Variants in TMEM163 observed in about 807,000 individuals in gnomAD.
TMEM163 encodes transmembrane protein 163.
In TMEM163, 17 loss-of-function variants were observed where a neutral mutation model predicts 29.3. The ratio of observed to expected loss-of-function variants is 0.58; its 90% CI spans 0.40 to 0.87. TMEM163 has a LOEUF of 0.87. TMEM163 is among the 40% of genes least tolerant of loss of function. The pLI, the probability that TMEM163 is intolerant of heterozygous loss-of-function variation, is 0.00. For synonymous variants in TMEM163, 157 were observed against 160.6 expected (o/e 0.98, Z 0.17); for missense variants, 303 against 381.5 (o/e 0.79, Z 1.71).
intron 4 of TMEM163, among the ~76,000 whole-genome samples, chr2:134,548,726 T>G (rs185963938): frequency 6.6e-6 from 1 of 152,224 alleles, no homozygotes; most frequent in African/African-American, 2.4e-5. Flanking sequence ...TGAGATATAT[T>G]GGGGATGGAA....
chr2:134,708,630 A>G (rs1684867360), intron 2 of TMEM163, among the ~76,000 whole-genome samples: 1 of 151,626 alleles, frequency 6.6e-6, no homozygotes, highest in Admixed American at 6.6e-5. Flanking sequence ...TCTGTCACCC[A>G]GGCTGGAGTG....
chr2:134,521,800 A>G (rs565181888), intron 4 of TMEM163, among the ~76,000 whole-genome samples: 1 of 152,310 alleles, frequency 6.6e-6, no homozygotes, highest in Admixed American at 6.5e-5. Context: ...GACATATCAG[A>G]TGCAGAGCTG....
chr2:134,608,685 AC>A (rs1682418828), intron 2 of TMEM163, among the ~76,000 whole-genome samples: 1 of 89,332 alleles, frequency 1.1e-5, no homozygotes, highest in Non-Finnish European at 2.4e-5. Flanking sequence ...AGGATGACAG[AC>A]CCCGAGAACT....
chr2:134,470,715 C>G (rs753460043), intron 5 of TMEM163, among the ~76,000 whole-genome samples: 2 of 152,214 alleles, frequency 1.3e-5, no homozygotes, highest in African/African-American at 2.4e-5. Flanking sequence ...GCCAAAGCTC[C>G]TCTCCCAAAA....
At chr2:134,704,167 G>C (rs1023423031) in intron 2 of TMEM163, among the ~76,000 whole-genome samples, 1 of 152,064 alleles carries the variant, frequency 6.6e-6, no homozygotes, top group African/African-American at 2.4e-5. Flanking sequence ...GGTGCTCCAG[G>C]GGTATTTCCA....
intron 2 of TMEM163, among the ~76,000 whole-genome samples, chr2:134,664,105 G>T (rs941852036): frequency 6.6e-6 from 1 of 152,156 alleles, no homozygotes; most frequent in Non-Finnish European, 1.5e-5. Flanking sequence ...TAAATTCCAG[G>T]TCTAAATGTC....
At chr2:134,615,180 A>C (rs973876584) in intron 2 of TMEM163, among the ~76,000 whole-genome samples, 4 of 152,210 alleles carry the variant, frequency 2.6e-5, no homozygotes, top group Admixed American at 1.3e-4. Context: ...ACTTGTTATA[A>C]CATGTCTAAA....
chr2:134,647,681 G>A lies in TMEM163; in HGVS notation c.322+65519C>T, dbSNP rs898274649. Among the ~76,000 whole-genome samples, 15 of 152,300 alleles carry A rather than the reference G, an allele frequency of 9.8e-5. No individual in the cohort carries two copies. The East Asian group carries it at 1.2e-3, about 12-fold the overall frequency. ...GTTTTGAGCATTTGGAAAACCTACC[G>A]AAGCAGGAAACTTTCCCTGACTCCT... On this transcript the variant is annotated intron_variant, in intron 2 of 7. Transcript: ENST00000281924.
intron 4 of TMEM163, among the ~76,000 whole-genome samples, chr2:134,523,842 C>T (rs1680237281): frequency 2.0e-5 from 3 of 152,214 alleles, no homozygotes; most frequent in Non-Finnish European, 4.4e-5. Context: ...TCACTTCTCC[C>T]CCAACTCCCT....
rs539429651 is a variant in TMEM163, at chr2:134,547,414, C to T, written c.458+3156G>A. Among the ~76,000 whole-genome samples the T allele has an allele frequency of 2.0e-5, 3 of 152,222 alleles. No homozygotes were observed. The South Asian group carries it at 6.2e-4, about 32-fold the overall frequency. On this transcript the variant is annotated intron_variant, in intron 4 of 7. Coordinates refer to ENST00000281924, the MANE Select transcript of TMEM163 (RefSeq NM_030923.5). ...GCATGACTAATTCAAGCTCAAGATT[C>T]ATCCCAAGGTTTTGGGTCCAGTTCA...
At chr2:134,474,513 A>G (rs908893885) in intron 5 of TMEM163, among the ~76,000 whole-genome samples, 2 of 152,180 alleles carry the variant, frequency 1.3e-5, no homozygotes, top group African/African-American at 4.8e-5. Flanking sequence ...CTTCCATTTG[A>G]CTCTGATTAG....
chr2:134,712,853 A>C (rs997677914), intron 2 of TMEM163, among the ~76,000 whole-genome samples: 1 of 152,124 alleles, frequency 6.6e-6, no homozygotes, highest in Non-Finnish European at 1.5e-5. Context: ...ATTAGGCTGA[A>C]AATAAGAATC....
At chr2:134,660,005 A>G (rs1056343232) in intron 2 of TMEM163, among the ~76,000 whole-genome samples, 2 of 152,206 alleles carry the variant, frequency 1.3e-5, no homozygotes, top group Non-Finnish European at 1.5e-5. Flanking sequence ...GTTCATGAAG[A>G]AAGTGAAACA....
chr2:134,530,303 A>AC (rs1680391413), intron 4 of TMEM163, among the ~76,000 whole-genome samples: 1 of 151,978 alleles, frequency 6.6e-6, no homozygotes, highest in African/African-American at 2.4e-5. Context: ...ACACGGTCTC[A>AC]CTCTGTTGCC....
At position 134,666,058 on chromosome 2, in the gene TMEM163, T is replaced by C. The variant is rs533749974; in HGVS notation, c.322+47142A>G. On this transcript the variant is annotated intron_variant, in intron 2 of 7. Transcript: ENST00000281924. Reference sequence around the variant, plus strand: ...AGATCTGATACTGTCATCTGCAAATTAACAGACAGAATAGTAATGAGAAAA... The same window carrying C: ...AGATCTGATACTGTCATCTGCAAATCAACAGACAGAATAGTAATGAGAAAA... Among the ~76,000 whole-genome samples, 5 of 152,192 alleles carry C rather than the reference T, an allele frequency of 3.3e-5. No homozygotes were observed. The East Asian group carries it at 9.7e-4, about 29-fold the overall frequency.
rs951359675 is a variant in TMEM163 at position 134,716,166 on chromosome 2, G to T, written c.202+2568C>A. Among the ~76,000 whole-genome samples, 15 of 152,134 alleles carry T rather than the reference G, an allele frequency of 9.9e-5. 1 individual carries two copies. Among genetic ancestry groups the T allele is most frequent in the Admixed American group, 9.8e-4 (15 of 15,282 alleles). Reference sequence around the variant, plus strand: ...AGGCTAAGCTGGGCCCTAAGGTTACGGACAGAATGATGGGAAAATACTTGT... The same window carrying T: ...AGGCTAAGCTGGGCCCTAAGGTTACTGACAGAATGATGGGAAAATACTTGT... On this transcript the variant is annotated intron_variant, in intron 1 of 7. Transcript: ENST00000281924.
intron 2 of TMEM163, among the ~76,000 whole-genome samples, chr2:134,643,951 C>T (rs1037439720): frequency 5.9e-5 from 9 of 151,884 alleles, no homozygotes; most frequent in African/African-American, 2.2e-4. Context: ...GATAAACACA[C>T]TAAAACCAGC....
At chr2:134,561,139 A>G (rs1365306940) in intron 2 of TMEM163, among the ~76,000 whole-genome samples, 1 of 152,266 alleles carries the variant, frequency 6.6e-6, no homozygotes, top group Non-Finnish European at 1.5e-5. Flanking sequence ...TCAACTTGTT[A>G]GCACATTTGC....
At chr2:134,467,554 G>A (rs1001981813) in intron 5 of TMEM163, 9 of 152,302 alleles carry the variant, frequency 5.9e-5, no homozygotes, top group African/African-American at 1.9e-4. Context: ...CCCAAACGGA[G>A]GGACCGTCTA....
Sources: allele counts gnomAD v4.1 joint callset (sites outside exome capture counted in the v4.1 genomes callset), GRCh38; gene constraint gnomAD v4.1.1; transcripts MANE v1.5; gene names NCBI Gene and HGNC (gene_info 2026-07-23, HGNC 2026-07-21).